PRICKLE2: variants seen among roughly 807,000 people sequenced by gnomAD.
The protein encoded by PRICKLE2 is prickle planar cell polarity protein 2, also known as prickle-like protein 2.
In PRICKLE2, 21 loss-of-function variants were observed where a neutral mutation model predicts 81.4. That is an observed-to-expected ratio of 0.26 (90% CI 0.18 to 0.37). The LOEUF (loss-of-function observed/expected upper bound fraction) is 0.37. Among genes scored for constraint, PRICKLE2 ranks in the 10% least tolerant of loss-of-function variants. PRICKLE2 has a pLI of 1.00. For synonymous variants in PRICKLE2, 456 were observed against 421.5 expected (o/e 1.08, Z -1.00); for missense variants, 940 against 1,109.0 (o/e 0.85, Z 2.16).
At chr3:64,156,818 G>A (rs1172702621) in intron 5 of PRICKLE2, among the ~76,000 whole-genome samples, 1 of 152,184 alleles carries the variant, frequency 6.6e-6, no homozygotes, top group African/African-American at 2.4e-5. Context: ...TATTCCATGA[G>A]ATTAGGGTTA....
rs2076524054 is a variant in PRICKLE2, at chr3:64,092,731, G to A, written c.*6320C>T. 6.6e-6 allele frequency: 1 copy of A among 152,158 alleles called. No individual in the cohort carries two copies. The highest frequency in any genetic ancestry group is 2.1e-4 in the South Asian group (1 of 4,834). The allele number at this position is 152,158 out of a possible 1,614,324, so 9.4% of individuals were successfully genotyped here. On this transcript the variant is annotated 3_prime_UTR_variant, in exon 8 of 8. Transcript: ENST00000638394. ...CTGCTTTCAATTCTTGCTAATAACT[G>A]AAAATTAACTGTGTGGCCTGGGTAG...
At chr3:64,123,204 T>C (rs1019853675) in intron 7 of PRICKLE2, among the ~76,000 whole-genome samples, 1 of 152,160 alleles carries the variant, frequency 6.6e-6, no homozygotes, top group Non-Finnish European at 1.5e-5. Context: ...ATTTATGCTA[T>C]GGAAAAATCA....
chr3:64,181,523 C>T (rs1342203619), intron 2 of PRICKLE2, among the ~76,000 whole-genome samples: 3 of 152,070 alleles, frequency 2.0e-5, no homozygotes, highest in Non-Finnish European at 4.4e-5. Context: ...CTCTTTGTTG[C>T]CTATAGCATG....
intron 7 of PRICKLE2, among the ~76,000 whole-genome samples, chr3:64,117,113 C>G (rs1048194591): frequency 6.6e-6 from 1 of 152,180 alleles, no homozygotes; most frequent in African/African-American, 2.4e-5. Flanking sequence ...ATGATTATCA[C>G]AATAGATGTG....
At chr3:64,170,576 T>A (rs150479805) in intron 2 of PRICKLE2, among the ~76,000 whole-genome samples, 7 of 152,192 alleles carry the variant, frequency 4.6e-5, no homozygotes, top group African/African-American at 1.7e-4. Context: ...AAACCCTGGA[T>A]GGTCTGGGTG....
chr3:64,177,019 C>T (rs1007399762), intron 2 of PRICKLE2, among the ~76,000 whole-genome samples: 4 of 150,326 alleles, frequency 2.7e-5, no homozygotes, highest in East Asian at 2.0e-4. Context: ...TAGAGTATGA[C>T]ACAATATCTC....
intron 7 of PRICKLE2, among the ~76,000 whole-genome samples, chr3:64,115,480 C>A (rs962071943): frequency 4.6e-5 from 7 of 151,998 alleles, no homozygotes; most frequent in Non-Finnish European, 1.0e-4. Flanking sequence ...CACACACAGG[C>A]TCAAAATAAA....
chr3:64,189,543 C>T (rs1239028288), intron 2 of PRICKLE2, among the ~76,000 whole-genome samples: 1 of 152,188 alleles, frequency 6.6e-6, no homozygotes, highest in African/African-American at 2.4e-5. Context: ...GGTTCAAGTG[C>T]TGTCTTTGTC....
intron 1 of PRICKLE2, among the ~76,000 whole-genome samples, chr3:64,217,212 T>C (rs1392345587): frequency 6.6e-6 from 1 of 151,932 alleles, no homozygotes; most frequent in Non-Finnish European, 1.5e-5. Context: ...AGACCCTACA[T>C]CACTGGTACT....
At chr3:64,180,721 C>T (rs539199419) in intron 2 of PRICKLE2, among the ~76,000 whole-genome samples, 15 of 152,122 alleles carry the variant, frequency 9.9e-5, no homozygotes, top group African/African-American at 1.9e-4. Flanking sequence ...TTAGTAGAGA[C>T]GGGGTTTCAC....
At chr3:64,160,679 C>T (rs746528115) in intron 3 of PRICKLE2, among the ~76,000 whole-genome samples, 1 of 152,202 alleles carries the variant, frequency 6.6e-6, no homozygotes, top group Admixed American at 6.5e-5. Context: ...AACAAGCTGC[C>T]TGCTAGACTT....
chr3:64,169,116 G>A (rs1475830912), intron 2 of PRICKLE2, among the ~76,000 whole-genome samples: 1 of 152,114 alleles, frequency 6.6e-6, no homozygotes, highest in East Asian at 1.9e-4. Context: ...GACACGGAAG[G>A]GTGTGACTTC....
chr3:64,223,268 C>T (rs1049257384), intron 1 of PRICKLE2, among the ~76,000 whole-genome samples: 1 of 152,148 alleles, frequency 6.6e-6, no homozygotes, highest in Non-Finnish European at 1.5e-5. Context: ...TGCCACTGTG[C>T]TCTGCATAGG....
At chr3:64,108,211 C>T (rs977649147) in intron 7 of PRICKLE2, among the ~76,000 whole-genome samples, 1 of 152,140 alleles carries the variant, frequency 6.6e-6, no homozygotes, top group African/African-American at 2.4e-5. Context: ...GGTTGTCAAC[C>T]TCTGGTTTAG....
rs113654755 is a variant in PRICKLE2 at position 64,171,524 on chromosome 3, T to C, written c.145-8395A>G. Among the ~76,000 whole-genome samples the C allele has an allele frequency of 6.6e-3, 999 of 152,364 alleles. 3 individuals carry two copies. Among genetic ancestry groups the C allele is most frequent in the Non-Finnish European group, 9.7e-3 (662 of 68,034 alleles). ...TGTTGACAAATGATCTATTTGTTTGTTGACTTTCTCTTCCCTCTAGAATGT... is the reference window on the plus strand; with the variant it reads ...TGTTGACAAATGATCTATTTGTTTGCTGACTTTCTCTTCCCTCTAGAATGT... On this transcript the variant is annotated intron_variant, in intron 2 of 7. Transcript: ENST00000638394.
intron 3 of PRICKLE2, 65 bp from the exon 4 acceptor site, chr3:64,160,142 T>C (rs561788349): frequency 9.4e-4 from 1,475 of 1,561,366 alleles, no homozygotes; most frequent in Non-Finnish European, 1.1e-3. Context: ...CTGAAGCCCA[T>C]GACTCTGAGT....
intron 2 of PRICKLE2, chr3:64,174,870 A>C (rs992869981): frequency 9.4e-6 from 2 of 212,364 alleles, no homozygotes; most frequent in Admixed American, 4.2e-5. Flanking sequence ...TCTCAGATTT[A>C]ATTAAACACA....
intron 7 of PRICKLE2, among the ~76,000 whole-genome samples, chr3:64,136,742 G>A (rs892272846): frequency 2.0e-5 from 3 of 152,102 alleles, no homozygotes; most frequent in Non-Finnish European, 2.9e-5. Flanking sequence ...GTTTTGCCAA[G>A]TGGCCAGGTA....
intron 1 of PRICKLE2, among the ~76,000 whole-genome samples, chr3:64,223,974 C>T (rs1575686630): frequency 6.6e-6 from 1 of 152,306 alleles, no homozygotes; most frequent in East Asian, 1.9e-4. Flanking sequence ...CAGTACACGG[C>T]AGTCTATGTC....
Sources: allele counts gnomAD v4.1 joint callset (sites outside exome capture counted in the v4.1 genomes callset), GRCh38; gene constraint gnomAD v4.1.1; transcripts MANE v1.5; gene names NCBI Gene and HGNC (gene_info 2026-07-23, HGNC 2026-07-21).